NALF1: variants seen among roughly 807,000 people sequenced by gnomAD.
NALF1 encodes the protein NALCN channel auxiliary factor 1, also known as family with sequence similarity 155 member A.
A neutral mutation model predicts 48.4 loss-of-function variants in NALF1; 3 were observed. The observed-to-expected ratio is 0.06, with a 90% CI of 0.03 to 0.16. The LOEUF (loss-of-function observed/expected upper bound fraction) is 0.16, where lower values mean the gene tolerates loss of function less well. NALF1 is among the 10% of genes least tolerant of loss of function. The probability of loss-of-function intolerance (pLI) is 1.00; values close to 1 mark genes in which losing one functional copy is unlikely to be tolerated. For synonymous variants in NALF1, 262 were observed against 245.7 expected (o/e 1.07, Z -0.62); for missense variants, 526 against 571.5 (o/e 0.92, Z 0.81).
rs1321776006 is a variant in NALF1 at position 107,166,061 on chromosome 13, T to C, written c.*4436A>G. ...GTGTGTATGTATATATATCTTTATA[T>C]CTCTCTAAAGATATGCCATAGTATA... is the stretch of plus-strand genomic sequence containing the variant. On this transcript the variant is annotated 3_prime_UTR_variant, in exon 3 of 3. Coordinates refer to ENST00000375915, the MANE Select transcript of NALF1 (RefSeq NM_001080396.3). 2.0e-5 allele frequency: 3 copies of C among 152,108 alleles called. No homozygotes were observed. Among genetic ancestry groups the C allele is most frequent in the African/African-American group, 4.8e-5 (2 of 41,418 alleles). 9.4% of individuals were successfully genotyped at this position (152,108 alleles called of 1,614,324 possible).
chr13:107,203,422 C>A lies in NALF1; in HGVS notation c.1087+7162G>T, dbSNP rs562253947. On this transcript the variant is annotated intron_variant, in intron 2 of 2. Coordinates refer to ENST00000375915, the MANE Select transcript of NALF1 (RefSeq NM_001080396.3). Reference sequence around the variant, plus strand: ...AGACTCACCAGCTCAGCAGTGCAGGCGCTGGCACTGCCTCTCTGAGGGCAG... The same window carrying A: ...AGACTCACCAGCTCAGCAGTGCAGGAGCTGGCACTGCCTCTCTGAGGGCAG... Among the ~76,000 whole-genome samples, 9 of 152,284 alleles carry A rather than the reference C, an allele frequency of 5.9e-5. No individual in the cohort carries two copies. In the South Asian group the frequency reaches 1.7e-3, roughly 28 times the overall value.
intron 1 of NALF1, among the ~76,000 whole-genome samples, chr13:107,839,212 G>A (rs1036105748): frequency 3.3e-5 from 5 of 151,832 alleles, no homozygotes; most frequent in Non-Finnish European, 7.4e-5. Context: ...CCATGCAGAT[G>A]AAGCCATCTT....
At chr13:107,608,140 T>C (rs1306815139) in intron 1 of NALF1, among the ~76,000 whole-genome samples, 2 of 152,202 alleles carry the variant, frequency 1.3e-5, no homozygotes, top group African/African-American at 4.8e-5. Flanking sequence ...GAACAGAATG[T>C]GTTGGAAGTA....
chr13:107,720,135 G>C (rs145046659), intron 1 of NALF1, among the ~76,000 whole-genome samples: 1 of 152,112 alleles, frequency 6.6e-6, no homozygotes, highest in Non-Finnish European at 1.5e-5. Flanking sequence ...TCCACCCTAC[G>C]AACTTGCCAC....
chr13:107,322,621 C>G (rs1882278988), intron 1 of NALF1, among the ~76,000 whole-genome samples: 1 of 152,124 alleles, frequency 6.6e-6, no homozygotes, highest in Non-Finnish European at 1.5e-5. Context: ...GGGAGTTCTT[C>G]CAGCAGCTTC....
chr13:107,759,938 A>G (rs766108649), intron 1 of NALF1, among the ~76,000 whole-genome samples: 20 of 152,118 alleles, frequency 1.3e-4, no homozygotes, highest in Admixed American at 8.5e-4. Context: ...AGAGCAGGTT[A>G]TGATAACTTT....
chr13:107,858,693 G>T (rs1880495865), intron 1 of NALF1, among the ~76,000 whole-genome samples: 1 of 152,114 alleles, frequency 6.6e-6, no homozygotes, highest in African/African-American at 2.4e-5. Flanking sequence ...TCTCAAAATA[G>T]ATTAATTAAT....
intron 1 of NALF1, among the ~76,000 whole-genome samples, chr13:107,635,951 AT>A (rs1879964768): frequency 6.6e-6 from 1 of 152,180 alleles, no homozygotes; most frequent in African/African-American, 2.4e-5. Context: ...AGTAAGAAAA[AT>A]CACATAAGTG....
rs1310082948 is a variant in NALF1 at position 107,512,294 on chromosome 13, T to C, written c.916-301539A>G. 2.0e-5 allele frequency among the ~76,000 whole-genome samples: 3 copies of C among 152,152 alleles called. No homozygotes were observed. The East Asian group carries it at 5.8e-4, about 29-fold the overall frequency. On this transcript the variant is annotated intron_variant, in intron 1 of 2. Coordinates refer to ENST00000375915, the MANE Select transcript of NALF1 (RefSeq NM_001080396.3). The stretch of plus-strand genomic sequence containing the variant: ...CTATAGTCTCAGCTACTCTGGAGGC[T>C]GAGGCAGGAGAATCACTTGAACCTG...
At chr13:107,326,504 T>C (rs980165324) in intron 1 of NALF1, among the ~76,000 whole-genome samples, 1 of 152,178 alleles carries the variant, frequency 6.6e-6, no homozygotes, top group African/African-American at 2.4e-5. Flanking sequence ...ATTTTCCCCA[T>C]TTTATAGCAA....
intron 1 of NALF1, among the ~76,000 whole-genome samples, chr13:107,718,455 C>T (rs1875886201): frequency 6.6e-6 from 1 of 152,148 alleles, no homozygotes; most frequent in South Asian, 2.1e-4. Context: ...ATTATCCTAG[C>T]GAACTGTGTC....
rs1566439807 is a variant in NALF1, at chr13:107,170,207, TA to T, written c.*289del. On this transcript the variant is annotated 3_prime_UTR_variant, in exon 3 of 3. Transcript: ENST00000375915. ...ATCCTGTATTAACAAGTGCAAAAAA[TA>T]AACAAACAAATAAACCCAAACCAAA... 3.3e-6 allele frequency: 1 copy of T among 299,442 alleles called. No homozygotes were observed. The highest frequency in any genetic ancestry group is 6.1e-5 in the East Asian group (1 of 16,378). The allele number at this position is 299,442 out of a possible 1,614,324, so 18.5% of individuals were successfully genotyped here. A position where few individuals can be genotyped will look rare whatever the true frequency, so the allele number is the denominator to read the frequency against.
Position 107,628,946 on chromosome 13 carries a change from C to T in NALF1, c.915+236736G>A, listed in dbSNP as rs375341678. Among the ~76,000 whole-genome samples, 26 of 152,214 alleles carry T rather than the reference C, an allele frequency of 1.7e-4. No homozygotes were observed. In the East Asian group the frequency reaches 2.9e-3, roughly 17 times the overall value. ...TAAATTTCATCTCTCTTAGGGAATG[C>T]CTTTTTGTATGTTATTATAACTAAC... On this transcript the variant is annotated intron_variant, in intron 1 of 2. Transcript: ENST00000375915.
chr13:107,619,275 C>T (rs1292265580), intron 1 of NALF1, among the ~76,000 whole-genome samples: 2 of 151,664 alleles, frequency 1.3e-5, no homozygotes, highest in South Asian at 2.1e-4. Flanking sequence ...TCCTCTTTTC[C>T]GCACCCTGTT....
intron 1 of NALF1, among the ~76,000 whole-genome samples, chr13:107,226,594 C>T (rs1034079560): frequency 3.9e-5 from 6 of 152,266 alleles, no homozygotes; most frequent in South Asian, 2.1e-4. Context: ...TACTTAGCAT[C>T]GGGTTTCTGA....
intron 1 of NALF1, among the ~76,000 whole-genome samples, chr13:107,372,147 C>T (rs1388369561): frequency 3.9e-5 from 6 of 152,086 alleles, no homozygotes; most frequent in Non-Finnish European, 2.9e-5. Flanking sequence ...AAAATCATTA[C>T]GAGATGAACT....
In NALF1 at chr13:107,385,552, C is replaced by CAAAA. The variant is rs201307018; in HGVS notation, c.916-174801_916-174798dup. ...TGGGTGCCAGAGCGAGATTCCATCT[C>CAAAA]AAAAAAAAAAAAAAAAAAAAAAAAA... On this transcript the variant is annotated intron_variant, in intron 1 of 2. Transcript: ENST00000375915. Among the ~76,000 whole-genome samples, 222 of 118,184 alleles carry CAAAA rather than the reference C, an allele frequency of 1.9e-3. 8 individuals are homozygous for CAAAA. Among genetic ancestry groups the CAAAA allele is most frequent in the African/African-American group, 5.5e-3 (164 of 29,780 alleles). The allele number at this position is 118,184 out of a possible 152,430, so 77.5% of individuals were successfully genotyped here.
intron 1 of NALF1, among the ~76,000 whole-genome samples, chr13:107,414,648 A>G (rs1021826933): frequency 6.6e-6 from 1 of 151,916 alleles, no homozygotes; most frequent in Non-Finnish European, 1.5e-5. Flanking sequence ...CTAAATAATA[A>G]TATTTTCCAT....
chr13:107,207,962 G>A (rs767525893), intron 2 of NALF1, among the ~76,000 whole-genome samples: 1 of 152,158 alleles, frequency 6.6e-6, no homozygotes, highest in Non-Finnish European at 1.5e-5. Flanking sequence ...CCTCAGCAGT[G>A]CACTCTTAAG....
Sources: gnomAD v4.1 joint callset for allele counts (sites outside exome capture counted in the v4.1 genomes callset) on GRCh38, gnomAD v4.1.1 for gene constraint, MANE v1.5 for transcripts, NCBI Gene and HGNC (gene_info 2026-07-23, HGNC 2026-07-21) for gene names.